Variants in DST observed in about 807,000 individuals in gnomAD.
DST encodes the protein bullous pemphigoid antigen.
In DST, 253 loss-of-function variants were observed where a neutral mutation model predicts 875.2. That is an observed-to-expected ratio of 0.29 (90% confidence interval 0.26 to 0.32). DST has a LOEUF of 0.32. Ranked by LOEUF, DST falls within the 10% of genes least tolerant of loss-of-function variation. DST has a pLI of 1.00. For synonymous variants in DST, 3,124 were observed against 3,197.1 expected (o/e 0.98, Z 0.77); for missense variants, 8,287 against 9,111.6 (o/e 0.91, Z 3.68).
chr6:56,739,783 T>C (rs189880049), intron 4 of DST, among the ~76,000 whole-genome samples: 80 of 152,298 alleles, frequency 5.3e-4, no homozygotes, highest in African/African-American at 1.8e-3. Context: ...CCCATGGCAA[T>C]GTCAGGAAGC....
intron 4 of DST, among the ~76,000 whole-genome samples, chr6:56,779,359 C>A (rs896614015): frequency 5.3e-5 from 8 of 151,982 alleles, no homozygotes; most frequent in African/African-American, 1.7e-4. Context: ...ATGGTAGTTT[C>A]TTTTGCTGTG....
chr6:56,531,551 G>A (rs569313916), intron 64 of DST, among the ~76,000 whole-genome samples: 17 of 152,216 alleles, frequency 1.1e-4, no homozygotes, highest in Admixed American at 3.9e-4. Flanking sequence ...TGTATTTGAA[G>A]TTTAGACAAA....
In DST at chr6:56,735,338, T is replaced by C. The variant is rs114989473; in HGVS notation, c.626-49A>G. 6.8e-4 allele frequency: 711 copies of C among 1,048,560 alleles called. 3 individuals carry two copies. The African/African-American group carries it at 9.2e-3, about 14-fold the overall frequency. The allele number at this position is 1,048,560 out of a possible 1,614,324, so 65.0% of individuals were successfully genotyped here. ...AGATAAGGTTGGTAAAATCTATGAA[T>C]AGATGACTTTGTGATCATGAATATA... On this transcript the variant is annotated intron_variant, in intron 4 of 103. Coordinates refer to ENST00000680361, the MANE Select transcript of DST (RefSeq NM_001374736.1).
chr6:56,800,074 G>A (rs1369555953), intron 4 of DST, among the ~76,000 whole-genome samples: 1 of 152,064 alleles, frequency 6.6e-6, no homozygotes, highest in South Asian at 2.1e-4. Flanking sequence ...TGCAATACCT[G>A]CTTTATCGTG....
Position 56,509,738 on chromosome 6 carries a change from T to A in DST, c.18916A>T (p.Met6306Leu). The A allele has an allele frequency of 6.2e-7, 1 of 1,613,822 alleles. No individual in the cohort carries two copies. Among genetic ancestry groups the A allele is most frequent in the Non-Finnish European group, 8.5e-7 (1 of 1,179,772 alleles). ...TCATACAACGGCTGTAGCTTTTCCA[T>A]GTCTACTGACACATTCTTATTTTCA... ...ISENKNVSVDMEKLQPLYETL... is the reference protein window; with the variant it reads ...ISENKNVSVDLEKLQPLYETL... Residue 6306 changes from methionine to leucine, a missense_variant, in exon 74 of 104, where the codon ATG becomes TTG. Around this residue, in one of 10 missense-constraint regions of DST, gnomAD observed 1,292 missense variants for 1,552.7 expected, o/e 0.83. Coordinates refer to ENST00000680361, the MANE Select transcript of DST (RefSeq NM_001374736.1).
intron 95 of DST, 99 bp downstream of exon 95, chr6:56,471,007 T>C (rs1277073893): frequency 2.3e-6 from 3 of 1,279,416 alleles, no homozygotes; most frequent in Non-Finnish European, 3.2e-6. Context: ...TATAAGACAA[T>C]GCTTTATTGT....
intron 83 of DST, among the ~76,000 whole-genome samples, chr6:56,493,761 ATAAC>A (rs2152443479): frequency 6.6e-6 from 1 of 152,302 alleles, no homozygotes; most frequent in East Asian, 1.9e-4. Flanking sequence ...ATTTAAAAAT[ATAAC>A]TAAGTAACAT....
At chr6:56,824,126 AGCCTGCCGAGT>A (rs1275650922) in intron 4 of DST, among the ~76,000 whole-genome samples, 1 of 152,054 alleles carries the variant, frequency 6.6e-6, no homozygotes, top group African/African-American at 2.4e-5. Context: ...CTCCTGCCTC[AGCCTGCCGAGT>A]GCCTGCGATT....
At chr6:56,693,532 T>C (rs548743804) in intron 9 of DST, 30 of 393,916 alleles carry the variant, frequency 7.6e-5, no homozygotes, top group Non-Finnish European at 1.0e-4. Flanking sequence ...CTAATGAAGT[T>C]TGCACTTAAC....
At chr6:56,465,942 CT>C (rs1187111095) in intron 99 of DST, 135 bp downstream of exon 99, 3 of 514,114 alleles carry the variant, frequency 5.8e-6, no homozygotes, top group Non-Finnish European at 1.0e-5. Context: ...TCTTTGGGAA[CT>C]TTAGGCTGAC....
intron 4 of DST, among the ~76,000 whole-genome samples, chr6:56,846,421 T>C (rs1591613206): frequency 6.6e-6 from 1 of 152,188 alleles, no homozygotes; most frequent in East Asian, 1.9e-4. Context: ...AGAATTTGGA[T>C]AGGACAAAAA....
At position 56,640,565 on chromosome 6, in the gene DST, C is replaced by G; in HGVS notation, c.2068G>C (p.Glu690Gln). ...CCTTTGCTGTACACAGAAGAACATT[C>G]GTTCCTTAAGGCCATAATTTCGTCA... ...LRDEIMALRN[E>Q]CSSVYSKGRI... Residue 690 changes from glutamate (E) to glutamine (Q), a missense_variant, in exon 18 of 104, where the codon GAA becomes CAA. Physicochemically the swap from Glu to Gln is conservative, Grantham distance 29 (BLOSUM62 2). This residue lies in a region of DST where 1,160 missense variants were observed against 1,424.3 expected (regional missense o/e 0.81). Coordinates refer to ENST00000680361, the MANE Select transcript of DST (RefSeq NM_001374736.1). 4 of 1,614,186 alleles carry G rather than the reference C, an allele frequency of 2.5e-6. No homozygotes were observed. Among genetic ancestry groups the G allele is most frequent in the Non-Finnish European group, 3.4e-6 (4 of 1,180,032 alleles).
chr6:56,836,632 C>T (rs1307657376), intron 4 of DST, among the ~76,000 whole-genome samples: 5 of 151,730 alleles, frequency 3.3e-5, no homozygotes, highest in Admixed American at 2.6e-4. Flanking sequence ...GGGCGGATCA[C>T]GAGGTCAGGA....
At chr6:56,792,009 C>T (rs550562991) in intron 4 of DST, among the ~76,000 whole-genome samples, 3 of 151,990 alleles carry the variant, frequency 2.0e-5, no homozygotes, top group Non-Finnish European at 2.9e-5. Context: ...TGAAACATCT[C>T]GTTGTGCCAA....
chr6:56,556,402 A>G (rs1271499659), intron 59 of DST, among the ~76,000 whole-genome samples: 2 of 152,188 alleles, frequency 1.3e-5, no homozygotes, highest in African/African-American at 4.8e-5. Context: ...CATAAAATTA[A>G]TGATCCAAAA....
chr6:56,460,968 T>C (rs1280774285), intron 102 of DST: 2 of 151,906 alleles, frequency 1.3e-5, no homozygotes, highest in South Asian at 4.2e-4. Flanking sequence ...TATACAATCA[T>C]TGCACTTTTT....
intron 88 of DST, chr6:56,483,527 C>CTT (rs138042978): frequency 0.014 from 855 of 59,974 alleles, 103 homozygotes; most frequent in Non-Finnish European, 0.02. Flanking sequence ...TCTGGGTTTG[C>CTT]TTTTTTTTTT....
intron 4 of DST, among the ~76,000 whole-genome samples, chr6:56,768,905 C>T (rs1366466818): frequency 6.6e-6 from 1 of 152,094 alleles, no homozygotes; most frequent in Non-Finnish European, 1.5e-5. Flanking sequence ...CCCATCTCTA[C>T]TAAAAATACA....
intron 4 of DST, among the ~76,000 whole-genome samples, chr6:56,800,764 A>G (rs2099745675): frequency 6.6e-6 from 1 of 152,198 alleles, no homozygotes; most frequent in Admixed American, 6.5e-5. Context: ...CACGCCTGTA[A>G]TCCCAGCACT....
Sources: gnomAD v4.1 joint callset for allele counts (sites outside exome capture counted in the v4.1 genomes callset) on GRCh38, gnomAD v4.1.1 for gene constraint, gnomAD v4.1.1 regional missense constraint, MANE v1.5 for transcripts, NCBI Gene and HGNC (gene_info 2026-07-23, HGNC 2026-07-21) for gene names.